The following SAMMSON variants were observed in gnomAD, a reference collection of about 807,000 sequenced individuals.
SAMMSON encodes long intergenic non-protein coding RNA 1212.
Position 70,108,991 on chromosome 3 carries a change from C to A in SAMMSON, n.507+37426C>A, listed in dbSNP as rs531001054. ...TCATTATAGTATCTAAGATTTTAAA[C>A]CCTTAAGGAACAATTTTTGTCCCCT... On this transcript the variant is annotated intron_variant and non_coding_transcript_variant, in intron 4 of 9. Coordinates refer to ENST00000642114, the Ensembl canonical transcript of SAMMSON. 1.6e-4 allele frequency among the ~76,000 whole-genome samples: 25 copies of A among 152,204 alleles called. No homozygotes were observed. The South Asian group carries it at 3.3e-3, about 20-fold the overall frequency.
intron 4 of SAMMSON, among the ~76,000 whole-genome samples, chr3:70,100,532 G>A (rs77658549): frequency 0.022 from 7 of 314 alleles, no homozygotes; most frequent in Middle Eastern, 0.5. Flanking sequence ...GGGGGGGGGG[G>A]GAAGCACCAA....
At chr3:70,305,850 G>A (rs772482178) in intron 7 of SAMMSON, among the ~76,000 whole-genome samples, 6 of 152,172 alleles carry the variant, frequency 3.9e-5, no homozygotes, top group Non-Finnish European at 7.4e-5. Flanking sequence ...TTAGGAATGA[G>A]ATGAGATTTT....
At chr3:70,025,780 G>GTATGTTA (rs2067035067) in intron 3 of SAMMSON, among the ~76,000 whole-genome samples, 1 of 152,036 alleles carries the variant, frequency 6.6e-6, no homozygotes, top group Admixed American at 6.6e-5. Flanking sequence ...TACGTATTTT[G>GTATGTTA]TATGTTATAT....
chr3:70,212,697 G>A (rs80331121), intron 4 of SAMMSON, among the ~76,000 whole-genome samples: 9 of 152,056 alleles, frequency 5.9e-5, no homozygotes, highest in South Asian at 2.1e-4. Context: ...TATTCTTCTC[G>A]TCATATTAGT....
At chr3:70,408,669 G>A (rs1701194942) in intron 2 of SAMMSON, among the ~76,000 whole-genome samples, 2 of 152,090 alleles carry the variant, frequency 1.3e-5, no homozygotes, top group African/African-American at 4.8e-5. Context: ...GCCATTCAAT[G>A]AGTCTCTAGT....
At chr3:70,020,856 A>T (rs2067010550) in intron 3 of SAMMSON, among the ~76,000 whole-genome samples, 1 of 152,198 alleles carries the variant, frequency 6.6e-6, no homozygotes, top group African/African-American at 2.4e-5. Flanking sequence ...ATCCTTATAT[A>T]AACATACCTT....
At chr3:70,246,026 A>T (rs996390141) in intron 4 of SAMMSON, among the ~76,000 whole-genome samples, 3 of 151,668 alleles carry the variant, frequency 2.0e-5, no homozygotes, top group African/African-American at 7.3e-5. Context: ...TGCATTGTTA[A>T]ATATATATAT....
At chr3:70,305,812 CG>C (rs1359699091) in intron 7 of SAMMSON, among the ~76,000 whole-genome samples, 6 of 152,116 alleles carry the variant, frequency 3.9e-5, no homozygotes, top group Admixed American at 2.0e-4. Flanking sequence ...TCAGTTTCTT[CG>C]TCTTATTTGA....
At chr3:70,368,523 G>A (rs1702938752) in intron 9 of SAMMSON, among the ~76,000 whole-genome samples, 1 of 151,630 alleles carries the variant, frequency 6.6e-6, no homozygotes, top group Admixed American at 6.6e-5. Context: ...GCATTTAGAT[G>A]TATGGTAAAT....
intron 4 of SAMMSON, among the ~76,000 whole-genome samples, chr3:70,093,052 G>A (rs907873565): frequency 6.6e-6 from 1 of 151,964 alleles, no homozygotes; most frequent in Admixed American, 6.6e-5. Flanking sequence ...TCTGAGGCAC[G>A]GCTGGGTATC....
chr3:70,325,570 A>G (rs73104685), intron 7 of SAMMSON, among the ~76,000 whole-genome samples: 19,523 of 152,198 alleles, frequency 0.13, 1,364 homozygotes, highest in South Asian at 0.18. Context: ...AGTCCCTTAT[A>G]TGGTGAGAAA....
chr3:70,196,777 C>G, intron 4 of SAMMSON: 1 of 396,130 alleles, frequency 2.5e-6, no homozygotes, highest in Non-Finnish European at 4.4e-6. Flanking sequence ...ATAATACTAG[C>G]TTTCCTAGAC....
intron 4 of SAMMSON, among the ~76,000 whole-genome samples, chr3:70,111,954 G>C (rs1163199256): frequency 6.6e-6 from 1 of 152,132 alleles, no homozygotes; most frequent in Non-Finnish European, 1.5e-5. Flanking sequence ...GTCTTGAAAG[G>C]TAGAATGAGA....
At chr3:70,047,352 A>G (rs2067130885) in intron 3 of SAMMSON, among the ~76,000 whole-genome samples, 1 of 149,678 alleles carries the variant, frequency 6.7e-6, no homozygotes, top group South Asian at 2.1e-4. Flanking sequence ...TTTTTGAGAC[A>G]GAGTCTCGCT....
chr3:70,315,633 G>A (rs535682461), intron 7 of SAMMSON, among the ~76,000 whole-genome samples: 1 of 151,934 alleles, frequency 6.6e-6, no homozygotes, highest in South Asian at 2.1e-4. Flanking sequence ...GATATCCTTG[G>A]GCCCCCCAAA....
intron 9 of SAMMSON, among the ~76,000 whole-genome samples, chr3:70,368,829 T>C (rs561833314): frequency 4.4e-4 from 67 of 151,694 alleles, no homozygotes; most frequent in Middle Eastern, 3.4e-3. Context: ...TCTTCAATAT[T>C]ATATTGGCTA....
At chr3:70,399,937 T>C (rs913158097) in intron 2 of SAMMSON, among the ~76,000 whole-genome samples, 5 of 148,262 alleles carry the variant, frequency 3.4e-5, no homozygotes, top group Non-Finnish European at 5.9e-5. Context: ...TGTATATCAG[T>C]TTTTCTCATT....
At chr3:70,250,711 C>T (rs543171188) in intron 6 of SAMMSON, among the ~76,000 whole-genome samples, 1 of 152,252 alleles carries the variant, frequency 6.6e-6, no homozygotes, top group African/African-American at 2.4e-5. Flanking sequence ...AGAGTTTCCA[C>T]TGGCAATTCT....
At chr3:70,255,545 G>C in intron 6 of SAMMSON, among the ~76,000 whole-genome samples, 1 of 152,080 alleles carries the variant, frequency 6.6e-6, no homozygotes, top group East Asian at 1.9e-4. Context: ...CCTCAGTCCT[G>C]CAGCCTCAGT....
Sources: allele counts gnomAD v4.1 joint callset (sites outside exome capture counted in the v4.1 genomes callset), GRCh38; gene constraint gnomAD v4.1.1; transcripts MANE v1.5; gene names NCBI Gene and HGNC (gene_info 2026-07-23, HGNC 2026-07-21).